Variants in PRKD3 observed in about 807,000 individuals in gnomAD.
PRKD3 encodes the protein serine/threonine-protein kinase D3.
In PRKD3, 47 loss-of-function variants were observed where a neutral mutation model predicts 99.2. The observed-to-expected ratio is 0.47, with a 90% CI of 0.38 to 0.60. The LOEUF (loss-of-function observed/expected upper bound fraction) is 0.60. Ranked by LOEUF, PRKD3 falls within the 20% of genes least tolerant of loss-of-function variation. PRKD3 has a pLI of 0.00. For synonymous variants in PRKD3, 392 were observed against 355.4 expected, an observed-to-expected ratio of 1.10 and a Z score of -1.16; for missense variants, 1,019 against 1,088.4, an observed-to-expected ratio of 0.94 and a Z score of 0.90.
chr2:37,311,808 G>C (rs1671437246), intron 2 of PRKD3, among the ~76,000 whole-genome samples: 1 of 152,124 alleles, frequency 6.6e-6, no homozygotes, highest in Non-Finnish European at 1.5e-5. Context: ...TCTAGACTGT[G>C]GCTCTCATTA....
chr2:37,280,074 TAGA>T, intron 7 of PRKD3, 145 bp from the exon 8 acceptor site: 1 of 562,562 alleles, frequency 1.8e-6, no homozygotes, highest in African/African-American at 2.0e-5. Context: ...TTTTTTGAGA[TAGA>T]GTTTCACTCT....
At chr2:37,287,251 A>G (rs1323973882) in intron 5 of PRKD3, among the ~76,000 whole-genome samples, 2 of 142,954 alleles carry the variant, frequency 1.4e-5, no homozygotes, top group African/African-American at 5.2e-5. Flanking sequence ...AAAAAAAAAA[A>G]AAAAAAAAAA....
chr2:37,290,658 T>C (rs2124837950), intron 4 of PRKD3, among the ~76,000 whole-genome samples: 1 of 152,348 alleles, frequency 6.6e-6, no homozygotes, highest in Middle Eastern at 3.4e-3. Context: ...GCAGAATGTA[T>C]TTTACGAGAA....
chr2:37,322,090 C>G (rs950607329), intron 1 of PRKD3, among the ~76,000 whole-genome samples: 14 of 152,152 alleles, frequency 9.2e-5, no homozygotes, highest in African/African-American at 2.9e-4. Flanking sequence ...AGGGTTGTGT[C>G]CACGCCTCTT....
intron 17 of PRKD3, among the ~76,000 whole-genome samples, chr2:37,255,857 T>C (rs1667888906): frequency 6.6e-6 from 1 of 151,842 alleles, no homozygotes; most frequent in Non-Finnish European, 1.5e-5. Flanking sequence ...AATTTAAAAA[T>C]TAGCCAGGTG....
chr2:37,306,800 T>A (rs1218210996), intron 2 of PRKD3, among the ~76,000 whole-genome samples: 1 of 152,084 alleles, frequency 6.6e-6, no homozygotes, highest in African/African-American at 2.4e-5. Flanking sequence ...CAGAGCAAGA[T>A]CCTGTCTCAA....
intron 6 of PRKD3, 31 bp downstream of exon 6, chr2:37,286,146 A>G (rs747141185): frequency 6.6e-7 from 1 of 1,517,316 alleles, no homozygotes; most frequent in Non-Finnish European, 8.9e-7. Flanking sequence ...AACAGACATA[A>G]ATTTTAATTA....
intron 2 of PRKD3, among the ~76,000 whole-genome samples, chr2:37,309,626 G>T (rs1011047756): frequency 6.6e-6 from 1 of 152,158 alleles, no homozygotes; most frequent in African/African-American, 2.4e-5. Context: ...AAGGCTGGCA[G>T]ATCATGAGGT....
Position 37,286,219 on chromosome 2 carries a change from G to A in PRKD3, c.868C>T (p.Arg290Trp), listed in dbSNP as rs1312375925. Residue 290 changes from arginine (R) to tryptophan (W), a missense_variant, in exon 6 of 19, where the codon CGG becomes TGG. Transcript: ENST00000234179. ...TRPTICQYCK[R>W]LLKGLFRQGM... Reference sequence around the variant, plus strand: ...TGGCGAAAGAGGCCTTTCAGTAACCGCTTGCAGTACTGACATATCGTGGGA... The same window carrying A: ...TGGCGAAAGAGGCCTTTCAGTAACCACTTGCAGTACTGACATATCGTGGGA... 4 of 1,613,354 alleles carry A rather than the reference G, an allele frequency of 2.5e-6. No individual in the cohort carries two copies. The highest frequency in any genetic ancestry group is 2.5e-6 in the Non-Finnish European group (3 of 1,179,546).
chr2:37,310,878 A>G (rs75896347), intron 2 of PRKD3, among the ~76,000 whole-genome samples: 4,984 of 152,312 alleles, frequency 0.033, 105 homozygotes, highest in Non-Finnish European at 0.048. Context: ...TACATAAGCA[A>G]TCACATATTT....
chr2:37,263,088 T>G (rs947454762), intron 14 of PRKD3, among the ~76,000 whole-genome samples: 2 of 152,150 alleles, frequency 1.3e-5, no homozygotes, highest in African/African-American at 4.8e-5. Flanking sequence ...TCTTTAGGTT[T>G]ATTTTATTGT....
chr2:37,310,266 A>G (rs556487905), intron 2 of PRKD3, among the ~76,000 whole-genome samples: 147 of 152,368 alleles, frequency 9.6e-4, no homozygotes, highest in African/African-American at 3.4e-3. Context: ...GAGTTTGGAA[A>G]CCACTAAGAT....
intron 3 of PRKD3, among the ~76,000 whole-genome samples, chr2:37,291,764 A>T (rs965891423): frequency 6.6e-6 from 1 of 152,192 alleles, no homozygotes; most frequent in African/African-American, 2.4e-5. Flanking sequence ...GACAGAGAGG[A>T]TCTCAAGAAA....
rs527457885 is a variant in PRKD3 at position 37,262,901 on chromosome 2, C to A, written c.1885-2517G>T. 1.6e-4 allele frequency among the ~76,000 whole-genome samples: 24 copies of A among 147,750 alleles called. No individual in the cohort carries two copies. The South Asian group carries it at 5.2e-3, about 32-fold the overall frequency. On this transcript the variant is annotated intron_variant, in intron 14 of 18. Coordinates refer to ENST00000234179, the MANE Select transcript of PRKD3 (RefSeq NM_005813.6). The stretch of plus-strand genomic sequence containing the variant: ...AAAGTATCCTAAGATTCCTTCCCCC[C>A]CCCGTATTTGTGGTTATCTCCCTAA...
At chr2:37,264,181 C>G (rs1668665865) in intron 14 of PRKD3, among the ~76,000 whole-genome samples, 1 of 152,108 alleles carries the variant, frequency 6.6e-6, no homozygotes, top group Non-Finnish European at 1.5e-5. Context: ...AGGCATGGCT[C>G]TTTTTCTGTG....
At chr2:37,281,287 T>C (rs913053583) in intron 7 of PRKD3, among the ~76,000 whole-genome samples, 6 of 152,130 alleles carry the variant, frequency 3.9e-5, no homozygotes, top group African/African-American at 1.4e-4. Context: ...AAAACACAAA[T>C]ACATGAAGTA....
At chr2:37,281,245 C>G (rs978608226) in intron 7 of PRKD3, among the ~76,000 whole-genome samples, 1 of 152,018 alleles carries the variant, frequency 6.6e-6, no homozygotes. Flanking sequence ...AATGGTGTTT[C>G]GTATCCATTT....
chr2:37,301,375 T>C (rs1043958497), intron 2 of PRKD3, among the ~76,000 whole-genome samples: 1 of 152,058 alleles, frequency 6.6e-6, no homozygotes, highest in Non-Finnish European at 1.5e-5. Context: ...CTTTTTTTTT[T>C]CTTTCAGTTG....
intron 4 of PRKD3, among the ~76,000 whole-genome samples, chr2:37,290,579 C>T (rs1670365922): frequency 6.6e-6 from 1 of 152,174 alleles, no homozygotes; most frequent in South Asian, 2.1e-4. Context: ...TTTATGGAGC[C>T]ATTATTTTGT....
Sources: gnomAD v4.1 joint callset for allele counts (sites outside exome capture counted in the v4.1 genomes callset) on GRCh38, gnomAD v4.1.1 for gene constraint, MANE v1.5 for transcripts, NCBI Gene and HGNC (gene_info 2026-07-23, HGNC 2026-07-21) for gene names.